The following CPEB1 variants were observed in gnomAD, a reference collection of about 807,000 sequenced individuals.
CPEB1 encodes the protein cytoplasmic polyadenylation element-binding protein 1.
CPEB1 carries 7 observed loss-of-function variants against 65.8 expected under a neutral mutation model. The ratio of observed to expected loss-of-function variants is 0.11; its 90% CI spans 0.06 to 0.20. The LOEUF (loss-of-function observed/expected upper bound fraction) is 0.20, where lower values mean the gene tolerates loss of function less well. Among genes scored for constraint, CPEB1 ranks in the 10% least tolerant of loss-of-function variants. The pLI is 1.00. For synonymous variants in CPEB1, 262 were observed against 260.0 expected (o/e 1.01, Z -0.08); for missense variants, 551 against 712.2 (o/e 0.77, Z 2.58).
intron 3 of CPEB1, among the ~76,000 whole-genome samples, chr15:82,605,874 A>G (rs1243324104): frequency 2.0e-5 from 3 of 151,782 alleles, no homozygotes; most frequent in Non-Finnish European, 4.4e-5. Context: ...CCCTGTCTCT[A>G]CTAAAAATAC....
At chr15:82,632,524 C>T (rs923265945) in intron 1 of CPEB1, among the ~76,000 whole-genome samples, 1 of 151,782 alleles carries the variant, frequency 6.6e-6, no homozygotes, top group Non-Finnish European at 1.5e-5. Flanking sequence ...CACACACACA[C>T]ATTTTTTAAG....
chr15:82,605,586 TA>T (rs2043504819), intron 3 of CPEB1, among the ~76,000 whole-genome samples: 1 of 152,208 alleles, frequency 6.6e-6, no homozygotes, highest in African/African-American at 2.4e-5. Context: ...AGGTAATGAA[TA>T]TATTAGCTTT....
At chr15:82,557,280 T>A (rs2150976391) in intron 5 of CPEB1, among the ~76,000 whole-genome samples, 1 of 152,306 alleles carries the variant, frequency 6.6e-6, no homozygotes, top group South Asian at 2.1e-4. Context: ...CACGGGTCAG[T>A]GGAAAAAATA....
chr15:82,591,362 A>G (rs138103214), intron 3 of CPEB1, among the ~76,000 whole-genome samples: 1 of 152,132 alleles, frequency 6.6e-6, no homozygotes, highest in Non-Finnish European at 1.5e-5. Flanking sequence ...CCCAGGTTCA[A>G]ATGATTCTCA....
chr15:82,603,794 T>C (rs920583989), intron 3 of CPEB1, among the ~76,000 whole-genome samples: 2 of 152,144 alleles, frequency 1.3e-5, no homozygotes, highest in African/African-American at 4.8e-5. Context: ...ATGCGAAGTT[T>C]ACAGAACTAG....
chr15:82,555,790 C>A (rs2037095593), intron 6 of CPEB1, 80 bp downstream of exon 6: 1 of 1,496,698 alleles, frequency 6.7e-7, no homozygotes, highest in Non-Finnish European at 9.0e-7. Flanking sequence ...AGACAGTTCA[C>A]AAGTGTGTGA....
intron 5 of CPEB1, 182 bp from the exon 6 acceptor site, chr15:82,556,304 C>CT (rs2037187979): frequency 1.6e-6 from 1 of 625,724 alleles, no homozygotes; most frequent in Non-Finnish European, 2.6e-6. Flanking sequence ...ACAAATGCTC[C>CT]TTCTCTCCTC....
intron 4 of CPEB1, among the ~76,000 whole-genome samples, chr15:82,563,605 G>A (rs1248036265): frequency 6.6e-6 from 1 of 150,406 alleles, no homozygotes; most frequent in African/African-American, 2.5e-5. Context: ...GCCTCCCAAA[G>A]TACTCAGGTC....
chr15:82,580,994 G>T (rs2041229303), intron 3 of CPEB1, among the ~76,000 whole-genome samples: 5 of 152,064 alleles, frequency 3.3e-5, no homozygotes, highest in Admixed American at 2.6e-4. Flanking sequence ...TGGGACCACA[G>T]GTGCATGTCA....
At chr15:82,593,565 C>T (rs371528441) in intron 3 of CPEB1, among the ~76,000 whole-genome samples, 11 of 152,354 alleles carry the variant, frequency 7.2e-5, no homozygotes, top group African/African-American at 2.6e-4. Context: ...TTGGAATCAA[C>T]TTCTTCCAAA....
intron 10 of CPEB1, 26 bp downstream of exon 10, chr15:82,549,434 T>TGA (rs773847974): frequency 1.9e-6 from 3 of 1,613,930 alleles, no homozygotes; most frequent in Non-Finnish European, 2.5e-6. Context: ...CAACCAAGCT[T>TGA]TCGCACACAG....
intron 3 of CPEB1, among the ~76,000 whole-genome samples, chr15:82,575,154 T>C (rs1385849042): frequency 6.6e-6 from 1 of 152,348 alleles, no homozygotes; most frequent in Non-Finnish European, 1.5e-5. Flanking sequence ...AAAACCAAAG[T>C]TGAACCAACC....
At chr15:82,551,067 T>A (rs2036164010) in intron 9 of CPEB1, among the ~76,000 whole-genome samples, 1 of 151,862 alleles carries the variant, frequency 6.6e-6, no homozygotes, top group Non-Finnish European at 1.5e-5. Flanking sequence ...TAGAACATAC[T>A]AAGGTGGGAA....
chr15:82,619,506 C>A (rs2151287848), intron 3 of CPEB1, among the ~76,000 whole-genome samples: 1 of 152,228 alleles, frequency 6.6e-6, no homozygotes, highest in South Asian at 2.1e-4. Context: ...AGACAAATCA[C>A]AGACTCAAAG....
intron 3 of CPEB1, among the ~76,000 whole-genome samples, chr15:82,577,971 T>A (rs1454284461): frequency 3.9e-5 from 6 of 151,908 alleles, no homozygotes; most frequent in Admixed American, 3.9e-4. Context: ...AAACCCCGTC[T>A]CTAATAAAAA....
chr15:82,630,317 CACCCCA>C, intron 1 of CPEB1: 3 of 155,360 alleles, frequency 1.9e-5, no homozygotes, highest in Non-Finnish European at 2.8e-5. Flanking sequence ...CTATAGTGAG[CACCCCA>C]AGGGGCAGCA....
In CPEB1 at chr15:82,544,346, G is replaced by A. The variant is rs1181525107; in HGVS notation, c.*246C>T. The A allele has an allele frequency of 6.3e-6, 2 of 318,150 alleles. No individual in the cohort carries two copies. The highest frequency in any genetic ancestry group is 4.5e-5 in the African/African-American group (2 of 44,118). 19.7% of individuals were successfully genotyped at this position (318,150 alleles called of 1,614,324 possible). A position where few individuals can be genotyped will look rare whatever the true frequency, so the allele number is the denominator to read the frequency against. On this transcript the variant is annotated 3_prime_UTR_variant, in exon 13 of 13. Transcript: ENST00000684509. ...AACTAAAATCTGGGAAAACTACAGA[G>A]TCGCTTGGAGGGTAAGCCAGAGGGT...
intron 1 of CPEB1, among the ~76,000 whole-genome samples, chr15:82,642,886 T>G (rs939612380): frequency 6.6e-6 from 1 of 152,208 alleles, no homozygotes; most frequent in African/African-American, 2.4e-5. Context: ...AGTGTAAACA[T>G]TAATATTTAG....
chr15:82,582,237 A>G (rs927727011), intron 3 of CPEB1, among the ~76,000 whole-genome samples: 1 of 152,190 alleles, frequency 6.6e-6, no homozygotes, highest in African/African-American at 2.4e-5. Context: ...ACATTTTACT[A>G]AAGTAAGTTC....
Sources: allele counts gnomAD v4.1 joint callset (sites outside exome capture counted in the v4.1 genomes callset), GRCh38; gene constraint gnomAD v4.1.1; transcripts MANE v1.5; gene names NCBI Gene and HGNC (gene_info 2026-07-23, HGNC 2026-07-21).